LRAT: variants seen among roughly 807,000 people sequenced by gnomAD.
LRAT encodes lecithin retinol acyltransferase.
In LRAT, 11 loss-of-function variants were observed where a neutral mutation model predicts 14.2. The ratio of observed to expected loss-of-function variants is 0.78; its 90% CI spans 0.49 to 1.29. The LOEUF (loss-of-function observed/expected upper bound fraction) is 1.29, where lower values mean the gene tolerates loss of function less well. LRAT is among the 50% of genes most tolerant of loss of function. The pLI is 0.00. For synonymous variants in LRAT, 144 were observed against 124.8 expected (o/e 1.15, Z -1.03); for missense variants, 274 against 292.4 (o/e 0.94, Z 0.46).
chr4:154,743,554 C>A (rs1368653674), upstream of LRAT, among the ~76,000 whole-genome samples: 1 of 152,058 alleles, frequency 6.6e-6, no homozygotes, highest in East Asian at 1.9e-4. Flanking sequence ...GCATTCGAGG[C>A]GCTCGCACTT....
At position 154,744,803 on chromosome 4, in the gene LRAT, C is replaced by G. The variant is rs753677274; in HGVS notation, c.477C>G (p.Asn159Lys). Residue 159 changes from asparagine to lysine, a missense_variant, in exon 2 of 3, where the codon AAC (asparagine) becomes AAG (lysine). Coordinates refer to ENST00000336356, the MANE Select transcript of LRAT (RefSeq NM_004744.5). ...TTACCCCCTACAGCCTGCTGTGGAA[C>G]AACTGCGAGCACTTCGTGACCTACT... is the stretch of plus-strand genomic sequence containing the variant. The part of the protein sequence containing the change: ...LGFTPYSLLW[N>K]NCEHFVTYCR... 3 of 1,614,096 alleles carry G rather than the reference C, an allele frequency of 1.9e-6. No individual in the cohort carries two copies. Among genetic ancestry groups the G allele is most frequent in the Non-Finnish European group, 2.5e-6 (3 of 1,180,036 alleles).
chr4:154,744,405 T>G lies in LRAT; in HGVS notation c.79T>G (p.Ser27Ala). 6.2e-7 allele frequency: 1 copy of G among 1,614,044 alleles called. No individual in the cohort carries two copies. Residue 27 changes from serine (S) to alanine (A), a missense_variant, in exon 2 of 3, where the codon TCG becomes GCG. Coordinates refer to ENST00000336356, the MANE Select transcript of LRAT (RefSeq NM_004744.5). ...LLISNFTLFS[S>A]GAAGEDKGRN... The stretch of plus-strand genomic sequence containing the variant: ...CATCTCCAACTTCACGCTCTTTAGT[T>G]CGGGCGCCGCGGGCGAAGACAAAGG...
upstream of LRAT, among the ~76,000 whole-genome samples, chr4:154,741,299 A>G (rs962826269): frequency 1.3e-5 from 2 of 152,148 alleles, no homozygotes; most frequent in Non-Finnish European, 1.5e-5. Context: ...TTCCCGCATA[A>G]GAGTTCTGGG....
At chr4:154,741,915 G>C (rs1370477710), upstream of LRAT, among the ~76,000 whole-genome samples, 1 of 152,084 alleles carries the variant, frequency 6.6e-6, no homozygotes, top group Non-Finnish European at 1.5e-5. Context: ...ATTATAAGCC[G>C]CCTTAGTGAC....
chr4:154,741,488 G>C (rs182883560), upstream of LRAT, among the ~76,000 whole-genome samples: 13 of 152,294 alleles, frequency 8.5e-5, no homozygotes. Context: ...GAATTTATCA[G>C]AGGCAAAAAT....
chr4:154,748,843 A>T, intron 2 of LRAT, 141 bp from the exon 3 acceptor site: 3 of 783,784 alleles, frequency 3.8e-6, no homozygotes, highest in South Asian at 3.3e-5. Context: ...TAACATTGTA[A>T]ATTTTTTTGT....
chr4:154,745,800 T>A (rs181656202), intron 2 of LRAT, among the ~76,000 whole-genome samples: 132 of 152,290 alleles, frequency 8.7e-4, no homozygotes, highest in Middle Eastern at 3.4e-3. Flanking sequence ...ATTCTTTGTG[T>A]TGGTGCTTCA....
intron 2 of LRAT, chr4:154,748,481 G>A: frequency 1.3e-6 from 1 of 772,962 alleles, no homozygotes; most frequent in Non-Finnish European, 1.6e-6. Context: ...AATGGGATTT[G>A]ACAATAAAAT....
upstream of LRAT, among the ~76,000 whole-genome samples, chr4:154,743,335 T>C (rs1732805167): frequency 6.6e-6 from 1 of 151,918 alleles, no homozygotes; most frequent in African/African-American, 2.4e-5. Context: ...ACCCCGTGTC[T>C]ACTAAAAATA....
rs2111031951 is a variant in LRAT, at chr4:154,744,334, AC to A, written c.12del (p.Met5CysfsTer54). 1.2e-6 allele frequency: 2 copies of A among 1,614,064 alleles called. No homozygotes were observed. Among genetic ancestry groups the A allele is most frequent in the Non-Finnish European group, 1.7e-6 (2 of 1,180,022 alleles). On this transcript the variant is annotated frameshift_variant, in exon 2 of 3. Transcript: ENST00000336356. LOFTEE classifies it high-confidence loss of function. MK[N>X]PMLEVVSLLL... The stretch of plus-strand genomic sequence containing the variant: ...CGCCCTCTTCCCTGCAGGATGAAGA[AC>A]CCCATGCTGGAGGTGGTGTCTTTAC...
Position 154,749,240 on chromosome 4 carries a change from A to G in LRAT, c.*104A>G. ...TATTGAGAAAAATGTGACCCGTAAC[A>G]CTGTGTTCTGGATAAAAATGTGATT... On this transcript the variant is annotated 3_prime_UTR_variant, in exon 3 of 3. Transcript: ENST00000336356. 4 of 1,260,458 alleles carry G rather than the reference A, an allele frequency of 3.2e-6. No individual in the cohort carries two copies. Among genetic ancestry groups the G allele is most frequent in the Non-Finnish European group, 4.6e-6 (4 of 864,910 alleles). 78.1% of individuals were successfully genotyped at this position (1,260,458 alleles called of 1,614,324 possible).
upstream of LRAT, among the ~76,000 whole-genome samples, chr4:154,741,864 T>G (rs1009083485): frequency 6.6e-6 from 1 of 152,188 alleles, no homozygotes; most frequent in African/African-American, 2.4e-5. Context: ...TCTCCATGCT[T>G]TTGTCTCCCT....
chr4:154,743,906 G>T (rs1483227064), upstream of LRAT: 1 of 143,476 alleles, frequency 7.0e-6, no homozygotes, highest in East Asian at 2.2e-4. Flanking sequence ...CAGCGCGCCA[G>T]CGGCGCCCAA....
chr4:154,745,176 G>T (rs530696697), intron 2 of LRAT, among the ~76,000 whole-genome samples: 2 of 151,642 alleles, frequency 1.3e-5, no homozygotes, highest in African/African-American at 4.8e-5. Flanking sequence ...CCGCCACCAC[G>T]CCCGGCTAAT....
chr4:154,746,354 A>G (rs959822511), intron 2 of LRAT, among the ~76,000 whole-genome samples: 3 of 152,152 alleles, frequency 2.0e-5, no homozygotes, highest in Non-Finnish European at 2.9e-5. Context: ...ATCTTTCTCT[A>G]TCCTCTGTGG....
Position 154,744,941 on chromosome 4 carries a change from C to T in LRAT, c.540+75C>T, listed in dbSNP as rs1195598390. The T allele has an allele frequency of 8.3e-6, 12 of 1,443,290 alleles. No individual in the cohort carries two copies. In the Admixed American group the frequency reaches 1.2e-4, roughly 14 times the overall value. 89.4% of individuals were successfully genotyped at this position (1,443,290 alleles called of 1,614,324 possible). On this transcript the variant is annotated intron_variant, in intron 2 of 2. Coordinates refer to ENST00000336356, the MANE Select transcript of LRAT (RefSeq NM_004744.5). ...CCCATCCCTGACCTTTTCTCTTCCC[C>T]GCGAGTAGGGATCTAATTCCTGGAC...
rs1207734439 is a variant in LRAT, at chr4:154,752,909, C to T, written c.*3773C>T. 6.6e-6 allele frequency: 1 copy of T among 151,990 alleles called. No individual in the cohort carries two copies. The highest frequency in any genetic ancestry group is 1.5e-5 in the Non-Finnish European group (1 of 68,004). The allele number at this position is 151,990 out of a possible 1,614,324, so 9.4% of individuals were successfully genotyped here. ...TGTTTTTCTATTTTTCTACTTCATA[C>T]TGTTAATGTCAAATATCAAAAATGT... is the stretch of plus-strand genomic sequence containing the variant. On this transcript the variant is annotated 3_prime_UTR_variant, in exon 3 of 3. Transcript: ENST00000336356.
chr4:154,741,790 A>T (rs1732772067), upstream of LRAT, among the ~76,000 whole-genome samples: 1 of 152,178 alleles, frequency 6.6e-6, no homozygotes, highest in Non-Finnish European at 1.5e-5. Flanking sequence ...ACATATGTAT[A>T]TATTTTTATA....
upstream of LRAT, among the ~76,000 whole-genome samples, chr4:154,741,874 T>C (rs1287762071): frequency 3.3e-5 from 5 of 152,226 alleles, no homozygotes; most frequent in African/African-American, 1.2e-4. Flanking sequence ...TTTGTCTCCC[T>C]CAAGTTCCCC....
Sources: allele counts gnomAD v4.1 joint callset (sites outside exome capture counted in the v4.1 genomes callset), GRCh38; gene constraint gnomAD v4.1.1; transcripts MANE v1.5; gene names NCBI Gene and HGNC (gene_info 2026-07-23, HGNC 2026-07-21).